TMLHE: variants seen among roughly 807,000 people sequenced by gnomAD.
TMLHE encodes trimethyllysine hydroxylase, epsilon, also known as trimethyllysine dioxygenase, mitochondrial.
Under a neutral mutation model 25.7 loss-of-function variants are expected in TMLHE, and 18 were observed. The observed-to-expected ratio is 0.70, with a 90% CI of 0.48 to 1.04. The LOEUF (loss-of-function observed/expected upper bound fraction) is 1.04. Among genes scored for constraint, TMLHE ranks in the 50% least tolerant of loss-of-function variants. TMLHE has a pLI of 0.00. For missense variants in TMLHE, 236 were observed against 259.0 expected (o/e 0.91, Z 0.61); for synonymous variants, 105 against 97.0 (o/e 1.08, Z -0.49).
chrX:155,565,584 G>GACTT lies in TMLHE; in HGVS notation c.-1-20311_-1-20308dup, dbSNP rs1394919959. Among the ~76,000 whole-genome samples the GACTT allele has an allele frequency of 3.1e-4, 19 of 61,796 alleles. 5 individuals are homozygous for GACTT. In the Admixed American group the frequency reaches 3.6e-3, roughly 12 times the overall value. 53.7% of individuals were successfully genotyped at this position (61,796 alleles called of 115,157 possible). On this transcript the variant is annotated intron_variant, in intron 1 of 7. Transcript: ENST00000334398. Reference sequence around the variant, plus strand: ...GTAGGGCTTGGACTTAGCCCATCAAGACTTACAAATGGCAGTGAAAGTTCA... The same window carrying GACTT: ...GTAGGGCTTGGACTTAGCCCATCAAGACTTACTTACAAATGGCAGTGAAAGTTCA...
At chrX:155,534,947 T>C (rs73577040) in intron 2 of TMLHE, among the ~76,000 whole-genome samples, 151 of 111,691 alleles carry the variant, frequency 1.4e-3, no homozygotes, top group African/African-American at 4.8e-3. Context: ...ATGGTATTAG[T>C]GCTCTTATAA....
intron 1 of TMLHE, among the ~76,000 whole-genome samples, chrX:155,547,424 T>G (rs2067358003): frequency 9.0e-6 from 1 of 111,565 alleles, no homozygotes; most frequent in African/African-American, 3.3e-5. Context: ...ATTACAGGCG[T>G]GAGCCACCAC....
At chrX:155,560,906 G>A (rs2067493064) in intron 1 of TMLHE, among the ~76,000 whole-genome samples, 1 of 61,567 alleles carries the variant, frequency 1.6e-5, no homozygotes, top group South Asian at 9.6e-4. Context: ...TGTTCTGGCT[G>A]TTGTATTGAG....
At chrX:155,547,394 C>G (rs111592891) in intron 1 of TMLHE, among the ~76,000 whole-genome samples, 1 of 111,247 alleles carries the variant, frequency 9.0e-6, no homozygotes, top group Non-Finnish European at 1.9e-5. Context: ...TCCGCCGCCT[C>G]AGCCTCCCAA....
rs182979545 is a variant in TMLHE at position 155,583,868 on chromosome X, G to A, written c.-2+28924C>T. Reference sequence around the variant, plus strand: ...AATGAGTACAATGCACATTATTCAGGTGATGGTTACCCTAAAATCCCAGAC... The same window carrying A: ...AATGAGTACAATGCACATTATTCAGATGATGGTTACCCTAAAATCCCAGAC... On this transcript the variant is annotated intron_variant, in intron 1 of 7. Transcript: ENST00000334398. Among the ~76,000 whole-genome samples the A allele has an allele frequency of 1.5e-3, 164 of 111,017 alleles. 1 individual carries two copies. Among genetic ancestry groups the A allele is most frequent in the Non-Finnish European group, 2.3e-3 (121 of 52,961 alleles).
intron 1 of TMLHE, among the ~76,000 whole-genome samples, chrX:155,606,239 C>T (rs2067785904): frequency 9.1e-6 from 1 of 110,229 alleles, no homozygotes; most frequent in East Asian, 2.9e-4. Context: ...AGCATTTGAT[C>T]AAGTGGAGCT....
rs782118634 is a variant in TMLHE at position 155,575,972 on chromosome X, A to C, written c.-1-30695T>G. 3.9e-4 allele frequency among the ~76,000 whole-genome samples: 44 copies of C among 111,929 alleles called. 1 individual carries two copies. The highest frequency in any genetic ancestry group is 1.3e-3 in the African/African-American group (41 of 30,836). ...ATGTCCAGTTTCACCACTCCTATTC[A>C]ACATAGTACTGGGAGTCTTGGCCAG... On this transcript the variant is annotated intron_variant, in intron 1 of 7. Coordinates refer to ENST00000334398, the MANE Select transcript of TMLHE (RefSeq NM_018196.4).
intron 1 of TMLHE, among the ~76,000 whole-genome samples, chrX:155,579,477 G>A (rs1310525681): frequency 3.6e-5 from 4 of 111,759 alleles, no homozygotes; most frequent in Non-Finnish European, 7.5e-5. Flanking sequence ...CTTTGACAAA[G>A]GTGACAAAAA....
At chrX:155,522,601 C>T (rs1212839984) in intron 3 of TMLHE, among the ~76,000 whole-genome samples, 1 of 112,081 alleles carries the variant, frequency 8.9e-6, no homozygotes, top group Non-Finnish European at 1.9e-5. Flanking sequence ...CTGTTCTCTA[C>T]CTCTATAATT....
intron 1 of TMLHE, among the ~76,000 whole-genome samples, chrX:155,555,505 G>C (rs1280241634): frequency 3.7e-4 from 41 of 110,329 alleles, no homozygotes; most frequent in African/African-American, 1.4e-3. Context: ...CAGCGTAAAA[G>C]TGTTCCTATT....
chrX:155,580,750 C>T, intron 1 of TMLHE, among the ~76,000 whole-genome samples: 1 of 111,151 alleles, frequency 9.0e-6, no homozygotes, highest in Non-Finnish European at 1.9e-5. Flanking sequence ...AAACCATCAG[C>T]TCTCCTGGTA....
chrX:155,525,263 C>A (rs782610093), intron 2 of TMLHE, among the ~76,000 whole-genome samples: 9 of 111,098 alleles, frequency 8.1e-5, no homozygotes, highest in Admixed American at 5.7e-4. Context: ...GGAGCTCTCA[C>A]GAGATCTGGT....
At chrX:155,513,814 G>T (rs1456796278) in intron 4 of TMLHE, among the ~76,000 whole-genome samples, 172 bp downstream of exon 4, 3 of 111,488 alleles carry the variant, frequency 2.7e-5, no homozygotes, top group African/African-American at 9.8e-5. Flanking sequence ...TGTATTTAGA[G>T]ATTAGAAATC....
chrX:155,512,941 G>C (rs1488033897), intron 4 of TMLHE, among the ~76,000 whole-genome samples: 1 of 111,560 alleles, frequency 9.0e-6, no homozygotes, highest in African/African-American at 3.3e-5. Context: ...TAATTCTTTA[G>C]CTTTCAAAGT....
chrX:155,610,112 A>C (rs1397867765), intron 1 of TMLHE, among the ~76,000 whole-genome samples: 2 of 112,740 alleles, frequency 1.8e-5, no homozygotes, highest in African/African-American at 6.4e-5. Flanking sequence ...TATTCATAAT[A>C]GCCAAAAGAT....
chrX:155,516,010 C>CTTT (rs782343831), intron 3 of TMLHE, among the ~76,000 whole-genome samples: 26,629 of 66,816 alleles, frequency 0.4, 6,180 homozygotes, highest in Middle Eastern at 0.66. Flanking sequence ...TTGTACTTTT[C>CTTT]TTCTTTTTTT....
At chrX:155,521,986 G>A (rs1275202195) in intron 3 of TMLHE, among the ~76,000 whole-genome samples, 1 of 108,177 alleles carries the variant, frequency 9.2e-6, no homozygotes, top group Non-Finnish European at 1.9e-5. Flanking sequence ...CGTCTTCTGC[G>A]TCGCTCACGC....
intron 1 of TMLHE, among the ~76,000 whole-genome samples, chrX:155,547,763 C>G (rs995496138): frequency 1.8e-5 from 2 of 108,994 alleles, no homozygotes; most frequent in Admixed American, 9.8e-5. Context: ...AAATAATCCA[C>G]ACAACCCTGA....
chrX:155,609,473 G>A (rs782020119), intron 1 of TMLHE, among the ~76,000 whole-genome samples: 275 of 111,272 alleles, frequency 2.5e-3, no homozygotes, highest in African/African-American at 8.6e-3. Flanking sequence ...TAATATGTAC[G>A]CCACACCCCT....
Sources: allele counts gnomAD v4.1 joint callset (sites outside exome capture counted in the v4.1 genomes callset), GRCh38; gene constraint gnomAD v4.1.1; transcripts MANE v1.5; gene names NCBI Gene and HGNC (gene_info 2026-07-23, HGNC 2026-07-21).